Variants in CDH20 observed in about 807,000 individuals in gnomAD.
The protein encoded by CDH20 is cadherin-20.
Under a neutral mutation model 74.2 loss-of-function variants are expected in CDH20, and 29 were observed. The observed-to-expected ratio is 0.39, with a 90% CI of 0.29 to 0.53. CDH20 has a LOEUF of 0.53. Among genes scored for constraint, CDH20 ranks in the 20% least tolerant of loss-of-function variants. The pLI, the probability that CDH20 is intolerant of heterozygous loss-of-function variation, is 0.69. For missense variants in CDH20, 988 were observed against 1,048.3 expected (o/e 0.94, Z 0.79); for synonymous variants, 469 against 405.4 (o/e 1.16, Z -1.88).
intron 4 of CDH20, 85 bp from the exon 5 acceptor site, chr18:61,502,868 G>A (rs1911433650): frequency 8.9e-7 from 1 of 1,125,418 alleles, no homozygotes; most frequent in Non-Finnish European, 1.3e-6. Flanking sequence ...CATTAATGGT[G>A]CACCAGGGAG....
intron 1 of CDH20, among the ~76,000 whole-genome samples, chr18:61,403,305 G>A (rs1912217675): frequency 6.6e-6 from 1 of 152,142 alleles, no homozygotes; most frequent in Non-Finnish European, 1.5e-5. Flanking sequence ...GAATCATGTA[G>A]GCAATTAAGC....
chr18:61,340,226 C>CTTTTTTTTTTCTT (rs59628153), intron 1 of CDH20, among the ~76,000 whole-genome samples: 1 of 119,738 alleles, frequency 8.4e-6, no homozygotes, highest in African/African-American at 3.0e-5. Flanking sequence ...CTTCAGCCTT[C>CTTTTTTTTTTCTT]TTTTTTTTTT....
At chr18:61,394,739 C>T (rs150345392) in intron 1 of CDH20, among the ~76,000 whole-genome samples, 2 of 152,212 alleles carry the variant, frequency 1.3e-5, no homozygotes, top group Non-Finnish European at 2.9e-5. Flanking sequence ...CAGCAACGAA[C>T]TCCTCATGGC....
Position 61,554,694 on chromosome 18 carries a change from G to A in CDH20, c.2405G>A (p.Ter802=). ...TCGGAGGGACCCGCGCCGCTGTGGT[G>A]ACGGAAGCCAGGAGGCAGGCGCGCG... ...GASEGPAPLW[*] is the part of the protein sequence containing the mutation. The change falls in exon 12 of 12, where the codon TGA becomes TAA. Residue 802 remains the stop codon, a stop_retained_variant. Transcript: ENST00000262717. 1 of 1,560,412 alleles carries A rather than the reference G, an allele frequency of 6.4e-7. No individual in the cohort carries two copies. The highest frequency in any genetic ancestry group is 8.7e-7 in the Non-Finnish European group (1 of 1,152,706).
chr18:61,546,533 T>C (rs1913256267), intron 10 of CDH20, among the ~76,000 whole-genome samples: 1 of 152,328 alleles, frequency 6.6e-6, no homozygotes. Flanking sequence ...ATAGGGAAAC[T>C]ATTCCCGCAA....
intron 11 of CDH20, among the ~76,000 whole-genome samples, chr18:61,552,535 G>A (rs1739465267): frequency 6.6e-6 from 1 of 151,952 alleles, no homozygotes; most frequent in South Asian, 2.1e-4. Flanking sequence ...GCTTCCTAGC[G>A]TTATCCAAAA....
chr18:61,450,146 T>C (rs1909333587), intron 1 of CDH20, among the ~76,000 whole-genome samples: 1 of 152,028 alleles, frequency 6.6e-6, no homozygotes, highest in Non-Finnish European at 1.5e-5. Flanking sequence ...TTTTACTCCA[T>C]TTAATACAAT....
chr18:61,448,710 T>A (rs1474683676), intron 1 of CDH20, among the ~76,000 whole-genome samples: 1 of 152,226 alleles, frequency 6.6e-6, no homozygotes, highest in African/African-American at 2.4e-5. Context: ...TCTGTCCTAA[T>A]CATCACCTCC....
intron 1 of CDH20, among the ~76,000 whole-genome samples, chr18:61,406,732 G>A (rs1568127402): frequency 6.6e-6 from 1 of 152,178 alleles, no homozygotes; most frequent in Non-Finnish European, 1.5e-5. Context: ...AGAGGTGGAG[G>A]AAAGCGGAGG....
At chr18:61,490,380 T>C in intron 1 of CDH20, 22 bp from the exon 2 acceptor site, 1 of 625,126 alleles carries the variant, frequency 1.6e-6, no homozygotes, top group South Asian at 2.0e-5. Context: ...ATCATCACAC[T>C]GTGTTTTCCT....
intron 1 of CDH20, among the ~76,000 whole-genome samples, chr18:61,439,915 A>G (rs948885088): frequency 2.6e-5 from 4 of 152,312 alleles, no homozygotes; most frequent in African/African-American, 7.2e-5. Flanking sequence ...CAGGAAAACA[A>G]TATACTACAT....
intron 1 of CDH20, chr18:61,391,719 C>T (rs143233820): frequency 2.6e-5 from 4 of 151,870 alleles, no homozygotes; most frequent in African/African-American, 9.7e-5. Flanking sequence ...CCTGCACATC[C>T]TGTACATGTA....
At chr18:61,385,376 T>C (rs1444758650) in intron 1 of CDH20, among the ~76,000 whole-genome samples, 1 of 150,926 alleles carries the variant, frequency 6.6e-6, no homozygotes, top group African/African-American at 2.4e-5. Context: ...TATCCATACT[T>C]AGGTTAGGAA....
intron 1 of CDH20, among the ~76,000 whole-genome samples, chr18:61,470,928 T>C (rs1034152987): frequency 9.9e-5 from 15 of 151,904 alleles, no homozygotes; most frequent in African/African-American, 3.6e-4. Context: ...CAGCTGCACA[T>C]TAATTCAACC....
intron 6 of CDH20, among the ~76,000 whole-genome samples, chr18:61,511,376 G>T (rs898807785): frequency 1.3e-5 from 2 of 151,928 alleles, no homozygotes; most frequent in African/African-American, 4.8e-5. Flanking sequence ...TAGAGACAAG[G>T]TCACCCTATG....
chr18:61,443,649 G>A lies in CDH20; in HGVS notation c.-152-46753G>A, dbSNP rs140373890. Reference sequence around the variant, plus strand: ...GAATGCAAATCAGCTGCATGACTAAGCACACCCTGTCGTTCAGATGACATT... The same window carrying A: ...GAATGCAAATCAGCTGCATGACTAAACACACCCTGTCGTTCAGATGACATT... On this transcript the variant is annotated intron_variant, in intron 1 of 11. Coordinates refer to ENST00000262717, the MANE Select transcript of CDH20 (RefSeq NM_031891.4). Among the ~76,000 whole-genome samples the A allele has an allele frequency of 7.9e-3, 1,204 of 152,220 alleles. 11 individuals are homozygous for A. Among genetic ancestry groups the A allele is most frequent in the Non-Finnish European group, 0.013 (898 of 67,990 alleles).
chr18:61,333,942 G>A (rs1287912718), intron 1 of CDH20, 115 bp downstream of exon 1: 1 of 152,380 alleles, frequency 6.6e-6, no homozygotes, highest in Non-Finnish European at 1.5e-5. Context: ...TCTCCGCGCT[G>A]TGCTCTCCCA....
intron 1 of CDH20, among the ~76,000 whole-genome samples, chr18:61,452,648 G>A (rs1394151165): frequency 6.6e-6 from 1 of 152,080 alleles, no homozygotes; most frequent in Non-Finnish European, 1.5e-5. Flanking sequence ...CGTATAATAT[G>A]AAAATAATCT....
At chr18:61,443,683 T>C (rs945572196) in intron 1 of CDH20, among the ~76,000 whole-genome samples, 1 of 152,128 alleles carries the variant, frequency 6.6e-6, no homozygotes. Context: ...TTTTTTTCCA[T>C]AGCGAGATTT....
Sources: gnomAD v4.1 joint callset for allele counts (sites outside exome capture counted in the v4.1 genomes callset) on GRCh38, gnomAD v4.1.1 for gene constraint, MANE v1.5 for transcripts, NCBI Gene and HGNC (gene_info 2026-07-23, HGNC 2026-07-21) for gene names.